Variants in PCDHGA2 observed in about 807,000 individuals in gnomAD.
PCDHGA2 encodes protocadherin gamma-A2.
PCDHGA2 carries 40 observed loss-of-function variants against 59.2 expected under a neutral mutation model. The observed-to-expected ratio is 0.68, with a 90% CI of 0.52 to 0.88. The LOEUF (loss-of-function observed/expected upper bound fraction) is 0.88, where lower values mean the gene tolerates loss of function less well. Ranked by LOEUF, PCDHGA2 falls within the 40% of genes least tolerant of loss-of-function variation. The pLI is 0.00. For missense variants in PCDHGA2, 1,226 were observed against 1,204.0 expected (o/e 1.02, Z -0.27); for synonymous variants, 560 against 526.0 (o/e 1.06, Z -0.89).
intron 1 of PCDHGA2, among the ~76,000 whole-genome samples, chr5:141,449,199 A>T (rs927587807): frequency 3.3e-5 from 5 of 152,190 alleles, no homozygotes; most frequent in Admixed American, 2.6e-4. Flanking sequence ...AGAAGTGTTA[A>T]TTCTAACTTT....
chr5:141,498,865 G>A (rs2099786522), intron 2 of PCDHGA2, among the ~76,000 whole-genome samples: 1 of 151,116 alleles, frequency 6.6e-6, no homozygotes, highest in Non-Finnish European at 1.5e-5. Flanking sequence ...CCCAGGAGGC[G>A]GAGGTTGCAG....
intron 1 of PCDHGA2, among the ~76,000 whole-genome samples, chr5:141,465,486 G>C (rs1221398075): frequency 6.6e-6 from 1 of 152,216 alleles, no homozygotes; most frequent in African/African-American, 2.4e-5. Flanking sequence ...TGAGAGGAAT[G>C]AGCGGGAGCA....
chr5:141,403,964 G>T (rs1279237991), intron 1 of PCDHGA2: 1 of 1,613,704 alleles, frequency 6.2e-7, no homozygotes, highest in Non-Finnish European at 8.5e-7. Context: ...CATTTCGGTG[G>T]AAGATGTAAA....
chr5:141,422,433 T>C, intron 1 of PCDHGA2: 2 of 1,609,628 alleles, frequency 1.2e-6, no homozygotes. Context: ...ATGGAAATTA[T>C]TACAAATTGA....
At position 141,511,187 on chromosome 5, in the gene PCDHGA2, C is replaced by T; in HGVS notation, c.*14C>T. The stretch of plus-strand genomic sequence containing the variant: ...GAGAAGAAGTAACATGGAGGCCAGG[C>T]CAAGAGCCACAGGGCGGCCTCTCCC... On this transcript the variant is annotated 3_prime_UTR_variant, in exon 4 of 4. Transcript: ENST00000394576. The T allele has an allele frequency of 1.2e-6, 2 of 1,613,868 alleles. No homozygotes were observed. The highest frequency in any genetic ancestry group is 1.7e-6 in the Non-Finnish European group (2 of 1,179,878).
intron 1 of PCDHGA2, chr5:141,365,361 C>CGT: frequency 6.2e-7 from 1 of 1,613,832 alleles, no homozygotes; most frequent in African/African-American, 1.3e-5. Flanking sequence ...AATGACAATG[C>CGT]CCCCGAAGTG....
chr5:141,355,900 G>T, intron 1 of PCDHGA2: 1 of 1,613,626 alleles, frequency 6.2e-7, no homozygotes, highest in East Asian at 2.2e-5. Flanking sequence ...AATACTTGTG[G>T]ATACCAACGA....
intron 2 of PCDHGA2, among the ~76,000 whole-genome samples, chr5:141,500,324 T>G (rs1165047676): frequency 6.6e-6 from 1 of 151,994 alleles, no homozygotes; most frequent in African/African-American, 2.4e-5. Flanking sequence ...TGCTCCTGCC[T>G]CAGCCTCCAG....
intron 1 of PCDHGA2, chr5:141,374,678 A>C (rs753625335): frequency 1.2e-6 from 2 of 1,610,496 alleles, no homozygotes; most frequent in Admixed American, 1.7e-5. Flanking sequence ...GCTGGAGGGC[A>C]CACTGGACCG....
intron 1 of PCDHGA2, chr5:141,355,729 T>G: frequency 6.2e-7 from 1 of 1,614,026 alleles, no homozygotes; most frequent in Non-Finnish European, 8.5e-7. Context: ...CTCAAACGGT[T>G]ACTTTTCCCT....
At chr5:141,430,680 C>T (rs990086941) in intron 1 of PCDHGA2, 1 of 1,343,242 alleles carries the variant, frequency 7.4e-7, no homozygotes, top group Non-Finnish European at 1.0e-6. Flanking sequence ...TCCCAACTGT[C>T]CCATTCTATG....
At chr5:141,452,240 C>G (rs1365703172) in intron 1 of PCDHGA2, among the ~76,000 whole-genome samples, 1 of 152,084 alleles carries the variant, frequency 6.6e-6, no homozygotes, top group Non-Finnish European at 1.5e-5. Flanking sequence ...TTCTTGTGTC[C>G]TTTTGCCATA....
At chr5:141,404,232 G>GTCCAC (rs2094500642) in intron 1 of PCDHGA2, 1 of 1,613,696 alleles carries the variant, frequency 6.2e-7, no homozygotes, top group African/African-American at 1.3e-5. Flanking sequence ...GCAACAGACA[G>GTCCAC]AGGAACTCCG....
intron 1 of PCDHGA2, chr5:141,357,413 C>A (rs374712311): frequency 6.2e-7 from 1 of 1,614,132 alleles, no homozygotes; most frequent in African/African-American, 1.3e-5. Flanking sequence ...GTGCCTGCCT[C>A]GCACTTTGTG....
intron 1 of PCDHGA2, among the ~76,000 whole-genome samples, chr5:141,459,544 T>G (rs772982634): frequency 6.6e-6 from 1 of 152,246 alleles, no homozygotes; most frequent in Non-Finnish European, 1.5e-5. Flanking sequence ...TTTTTTTTAT[T>G]TCTCTTGGAT....
intron 1 of PCDHGA2, chr5:141,374,345 G>A (rs1221134827): frequency 8.1e-6 from 13 of 1,614,018 alleles, no homozygotes; most frequent in Non-Finnish European, 1.1e-5. Flanking sequence ...GGTCACCGCG[G>A]GTAGGATAGA....
intron 1 of PCDHGA2, chr5:141,414,168 T>C: frequency 6.2e-7 from 1 of 1,605,598 alleles, no homozygotes; most frequent in Non-Finnish European, 8.5e-7. Context: ...GAGGAGCATA[T>C]CTTGCAACTG....
intron 1 of PCDHGA2, among the ~76,000 whole-genome samples, chr5:141,436,469 G>A (rs376024456): frequency 6.6e-6 from 1 of 152,304 alleles, no homozygotes; most frequent in East Asian, 1.9e-4. Flanking sequence ...ATTTTCAGAT[G>A]TATCATAGAA....
At chr5:141,361,169 C>G in intron 1 of PCDHGA2, 2 of 1,613,908 alleles carry the variant, frequency 1.2e-6, no homozygotes, top group Non-Finnish European at 1.7e-6. Context: ...GATTGTGCAC[C>G]TGAAGTTATT....
Sources: gnomAD v4.1 joint callset for allele counts (sites outside exome capture counted in the v4.1 genomes callset) on GRCh38, gnomAD v4.1.1 for gene constraint, MANE v1.5 for transcripts, NCBI Gene and HGNC (gene_info 2026-07-23, HGNC 2026-07-21) for gene names.